ZNF385D: variants seen among roughly 807,000 people sequenced by gnomAD.
ZNF385D encodes the protein zinc finger protein 385D, also known as zinc finger protein 659.
In ZNF385D, 15 loss-of-function variants were observed where a neutral mutation model predicts 35.8. That is an observed-to-expected ratio of 0.42 (90% CI 0.28 to 0.64). ZNF385D has a LOEUF of 0.64. Among genes scored for constraint, ZNF385D ranks in the 30% least tolerant of loss-of-function variants. The pLI is 0.23. For missense variants in ZNF385D, 474 were observed against 494.6 expected (o/e 0.96, Z 0.39); for synonymous variants, 212 against 186.8 (o/e 1.13, Z -1.10).
chr3:22,244,400 A>T (rs147233149), intron 2 of ZNF385D, among the ~76,000 whole-genome samples: 1 of 148,852 alleles, frequency 6.7e-6, no homozygotes, highest in Non-Finnish European at 1.5e-5. Flanking sequence ...AAATGAAAAC[A>T]TAAAACGCAG....
chr3:21,476,425 C>T (rs934351645), intron 4 of ZNF385D, among the ~76,000 whole-genome samples: 2 of 151,938 alleles, frequency 1.3e-5, no homozygotes, highest in Non-Finnish European at 2.9e-5. Context: ...AAAATTAGAC[C>T]TGATCCAACC....
At chr3:22,191,534 G>C (rs1043815641) in intron 2 of ZNF385D, among the ~76,000 whole-genome samples, 3 of 150,888 alleles carry the variant, frequency 2.0e-5, no homozygotes, top group African/African-American at 7.3e-5. Flanking sequence ...TGATCACTTA[G>C]AGGTGTTACT....
chr3:21,557,804 A>G (rs1001014988), intron 3 of ZNF385D, among the ~76,000 whole-genome samples: 2 of 151,962 alleles, frequency 1.3e-5, no homozygotes, highest in African/African-American at 4.8e-5. Flanking sequence ...AATTTTTTTG[A>G]TTGGTAGGCT....
rs1297813744 is a variant in ZNF385D at position 21,420,477 on chromosome 3, C to G, written c.*737G>C. On this transcript the variant is annotated 3_prime_UTR_variant, in exon 8 of 8. Coordinates refer to ENST00000281523, the MANE Select transcript of ZNF385D (RefSeq NM_024697.3). ...AGAAATCACCTTTATTAATGCCTCC[C>G]CCATCTCTAAGCTTAGCCCTGTTAT... 3.3e-5 allele frequency: 5 copies of G among 152,166 alleles called. No homozygotes were observed. Among genetic ancestry groups the G allele is most frequent in the Non-Finnish European group, 7.3e-5 (5 of 68,038 alleles). 9.4% of individuals were successfully genotyped at this position (152,166 alleles called of 1,614,324 possible). A position where few individuals can be genotyped will look rare whatever the true frequency, so the allele number is the denominator to read the frequency against.
intron 3 of ZNF385D, among the ~76,000 whole-genome samples, chr3:22,124,136 C>G (rs913804266): frequency 1.3e-5 from 2 of 151,788 alleles, no homozygotes; most frequent in Non-Finnish European, 1.5e-5. Context: ...CTCTATCTCC[C>G]CGAGTTCAAC....
chr3:21,564,058 A>G (rs1169174950), intron 3 of ZNF385D, among the ~76,000 whole-genome samples: 4 of 152,150 alleles, frequency 2.6e-5, no homozygotes, highest in Non-Finnish European at 4.4e-5. Flanking sequence ...CTAGGACTGT[A>G]GGACCCCTGT....
At chr3:21,558,032 T>A (rs1488941859) in intron 3 of ZNF385D, among the ~76,000 whole-genome samples, 1 of 152,148 alleles carries the variant, frequency 6.6e-6, no homozygotes, top group Non-Finnish European at 1.5e-5. Flanking sequence ...TCTATTTTAT[T>A]CTTCTCCCTT....
At chr3:21,971,146 G>A (rs759386247) in intron 3 of ZNF385D, among the ~76,000 whole-genome samples, 9 of 152,060 alleles carry the variant, frequency 5.9e-5, no homozygotes, top group Non-Finnish European at 1.3e-4. Context: ...ACTGGTAATG[G>A]TAAGTACATA....
At chr3:21,889,339 G>A (rs1048164454) in intron 3 of ZNF385D, among the ~76,000 whole-genome samples, 9 of 152,172 alleles carry the variant, frequency 5.9e-5, no homozygotes, top group Non-Finnish European at 1.3e-4. Context: ...GCAAGATGGG[G>A]GAGGTGAGGC....
chr3:21,804,834 T>C (rs2072564399), intron 3 of ZNF385D, among the ~76,000 whole-genome samples: 1 of 143,224 alleles, frequency 7.0e-6, no homozygotes, highest in Non-Finnish European at 1.5e-5. Context: ...TAATATGTTG[T>C]TTCTACTGTT....
chr3:22,287,085 C>T (rs1024698106), intron 2 of ZNF385D, among the ~76,000 whole-genome samples: 3 of 151,908 alleles, frequency 2.0e-5, no homozygotes, highest in Admixed American at 6.6e-5. Flanking sequence ...TTTACGATTG[C>T]TATATTTTGT....
chr3:22,045,431 G>C (rs923818354), intron 3 of ZNF385D, among the ~76,000 whole-genome samples: 4 of 152,108 alleles, frequency 2.6e-5, no homozygotes, highest in Non-Finnish European at 5.9e-5. Context: ...AGAGAGGCTG[G>C]TCTTCCACAG....
In ZNF385D at chr3:21,893,243, C is replaced by A. The variant is rs551635624; in HGVS notation, c.326-228215G>T. On this transcript the variant is annotated intron_variant, in intron 3 of 5. Coordinates refer to the ZNF385D transcript ENST00000494108. ...AAGGCAGAACAAACTGGATTGTCAT[C>A]GTACCTCATCCACATCTGCTTTTAG... Among the ~76,000 whole-genome samples, 9 of 152,240 alleles carry A rather than the reference C, an allele frequency of 5.9e-5. No homozygotes were observed. The South Asian group carries it at 1.7e-3, about 28-fold the overall frequency.
At position 21,948,467 on chromosome 3, in the gene ZNF385D, T is replaced by C. The variant is rs149903149; in HGVS notation, c.325+220350A>G. Reference sequence around the variant, plus strand: ...CCTTAAGTCTCTTAGAAAATTTACATTTTATAGTAAAATATTCAATATTGC... The same window carrying C: ...CCTTAAGTCTCTTAGAAAATTTACACTTTATAGTAAAATATTCAATATTGC... On this transcript the variant is annotated intron_variant, in intron 3 of 5. Transcript: ENST00000494108. 8.9e-4 allele frequency among the ~76,000 whole-genome samples: 135 copies of C among 152,228 alleles called. 5 individuals are homozygous for C. The East Asian group carries it at 0.025, about 29-fold the overall frequency.
chr3:22,050,264 G>C (rs1478231100), intron 3 of ZNF385D, among the ~76,000 whole-genome samples: 1 of 151,826 alleles, frequency 6.6e-6, no homozygotes, highest in East Asian at 1.9e-4. Flanking sequence ...CAGGAGGCTG[G>C]GGTGGGAAGA....
intron 3 of ZNF385D, among the ~76,000 whole-genome samples, chr3:21,937,345 TC>T (rs1426085864): frequency 6.6e-6 from 1 of 152,162 alleles, no homozygotes; most frequent in African/African-American, 2.4e-5. Context: ...CCTTTGACCT[TC>T]GGAGAACAAT....
chr3:22,060,045 T>C (rs918092087), intron 3 of ZNF385D, among the ~76,000 whole-genome samples: 1 of 152,196 alleles, frequency 6.6e-6, no homozygotes, highest in Non-Finnish European at 1.5e-5. Context: ...AGCTACTGGT[T>C]CTCAGACCTT....
intron 2 of ZNF385D, among the ~76,000 whole-genome samples, chr3:21,615,860 G>A (rs1203351317): frequency 6.6e-6 from 1 of 150,940 alleles, no homozygotes; most frequent in African/African-American, 2.4e-5. Flanking sequence ...CCATTATTCA[G>A]TGAACGAGGG....
At chr3:21,722,342 T>C (rs1343392180) in intron 1 of ZNF385D, among the ~76,000 whole-genome samples, 3 of 152,238 alleles carry the variant, frequency 2.0e-5, no homozygotes, top group Non-Finnish European at 2.9e-5. Context: ...AGGATGTTTG[T>C]ATCTATCCTT....
Sources: gnomAD v4.1 joint callset for allele counts (sites outside exome capture counted in the v4.1 genomes callset) on GRCh38, gnomAD v4.1.1 for gene constraint, MANE v1.5 for transcripts, NCBI Gene and HGNC (gene_info 2026-07-23, HGNC 2026-07-21) for gene names.